The following FNBP4 variants were observed in gnomAD, a reference collection of about 807,000 sequenced individuals.
The protein encoded by FNBP4 is formin-binding protein 4.
In FNBP4, 34 loss-of-function variants were observed where a neutral mutation model predicts 119.3. The observed-to-expected ratio is 0.28, with a 90% CI of 0.22 to 0.38. The LOEUF is 0.38. Among genes scored for constraint, FNBP4 ranks in the 10% least tolerant of loss-of-function variants. The pLI is 1.00. For synonymous variants in FNBP4, 462 were observed against 430.6 expected (o/e 1.07, Z -0.90); for missense variants, 1,112 against 1,228.9 (o/e 0.90, Z 1.42).
intron 9 of FNBP4, among the ~76,000 whole-genome samples, chr11:47,734,473 T>A (rs1055281455): frequency 6.6e-6 from 1 of 152,060 alleles, no homozygotes; most frequent in Non-Finnish European, 1.5e-5. Flanking sequence ...TGCCTTAGTC[T>A]CCCAAAGTGC....
At position 47,717,133 on chromosome 11, in the gene FNBP4, G is replaced by A; in HGVS notation, c.*289C>T. 1 of 272,388 alleles carries A rather than the reference G, an allele frequency of 3.7e-6. No homozygotes were observed. 16.9% of individuals were successfully genotyped at this position (272,388 alleles called of 1,614,324 possible). ...CTCTACAGAAGTGTTATACTCATGAGCCACATGTTCTTCAAGACTGATGAG... is the reference window on the plus strand; with the variant it reads ...CTCTACAGAAGTGTTATACTCATGAACCACATGTTCTTCAAGACTGATGAG... On this transcript the variant is annotated 3_prime_UTR_variant, in exon 17 of 17. Transcript: ENST00000263773.
intron 2 of FNBP4, among the ~76,000 whole-genome samples, chr11:47,756,723 T>C (rs536943844): frequency 1.4e-5 from 2 of 138,396 alleles, no homozygotes; most frequent in East Asian, 5.2e-4. Flanking sequence ...GGCCCCGGTG[T>C]GTGATGTTCC....
intron 1 of FNBP4, among the ~76,000 whole-genome samples, chr11:47,766,237 C>T (rs2135307962): frequency 6.6e-6 from 1 of 152,092 alleles, no homozygotes; most frequent in South Asian, 2.1e-4. Context: ...TCGCTTGAAC[C>T]CGGGAGGTGG....
intron 8 of FNBP4, among the ~76,000 whole-genome samples, chr11:47,743,345 C>T (rs766432692): frequency 2.0e-5 from 3 of 151,776 alleles, no homozygotes; most frequent in Non-Finnish European, 2.9e-5. Context: ...TAGCCAGGCG[C>T]GGTGGCAGGC....
intron 9 of FNBP4, 30 bp downstream of exon 9, chr11:47,736,586 T>A: frequency 6.6e-7 from 1 of 1,519,288 alleles, no homozygotes; most frequent in Non-Finnish European, 8.9e-7. Flanking sequence ...TAATAAAAAT[T>A]TGTCAAGTTG....
chr11:47,746,138 C>A lies in FNBP4; in HGVS notation c.1163G>T (p.Cys388Phe). The A allele has an allele frequency of 6.2e-7, 1 of 1,614,144 alleles. No individual in the cohort carries two copies. The highest frequency in any genetic ancestry group is 1.1e-5 in the South Asian group (1 of 91,080). ...NIEDPSQEDL[C>F]SVVQSGESEE... The stretch of plus-strand genomic sequence containing the variant: ...ACTTTCTCCAGATTGGACAACACTG[C>A]AAAGATCCTCCTGAGAAGGGTCTTC... The change falls in exon 7 of 17, where the codon TGC becomes TTC. Residue 388 changes from cysteine (C) to phenylalanine (F), a missense_variant. Cys to Phe is a radical substitution (Grantham distance 205). Around this residue, in one of 2 missense-constraint regions of FNBP4, gnomAD observed 826 missense variants for 988.8 expected, o/e 0.84. Coordinates refer to ENST00000263773, the MANE Select transcript of FNBP4 (RefSeq NM_015308.5).
At chr11:47,756,690 C>T (rs1043157804) in intron 2 of FNBP4, among the ~76,000 whole-genome samples, 5 of 143,390 alleles carry the variant, frequency 3.5e-5, no homozygotes, top group East Asian at 2.4e-4. Flanking sequence ...TGCTATCCCT[C>T]CCCCACCCCC....
At chr11:47,721,257 TAAATAAATAAATAAATAA>T (rs1341227725) in intron 15 of FNBP4, among the ~76,000 whole-genome samples, 4 of 148,088 alleles carry the variant, frequency 2.7e-5, no homozygotes, top group African/African-American at 5.1e-5. Flanking sequence ...ATCTCAAAAA[TAAATAAATAAATAAATAA>T]AAATAAATAA....
In FNBP4 at chr11:47,724,669, T is replaced by C. The variant is rs531586973; in HGVS notation, c.2118A>G (p.Pro706=). The change falls in exon 13 of 17, where the codon CCA becomes CCG. Residue 706 remains proline, a synonymous_variant. Transcript: ENST00000263773. ...LQSNVPVLQP[P]LPLEMPPPPP... ...GGGGTGGTGGCATTTCCAAGGGTAA[T>C]GGAGGTTGAAGCACAGGAACATTTG... 1.8e-5 allele frequency: 29 copies of C among 1,613,854 alleles called. 1 individual carries two copies. Among genetic ancestry groups the C allele is most frequent in the Middle Eastern group, 3.3e-4 (2 of 6,060 alleles).
At chr11:47,759,459 C>T (rs2097628220) in intron 2 of FNBP4, among the ~76,000 whole-genome samples, 1 of 151,974 alleles carries the variant, frequency 6.6e-6, no homozygotes, top group East Asian at 1.9e-4. Context: ...AGTGATCTGC[C>T]TGCCTTGGCC....
chr11:47,729,427 C>G, intron 12 of FNBP4: 1 of 985,262 alleles, frequency 1.0e-6, no homozygotes, highest in Non-Finnish European at 1.2e-6. Context: ...ACTGAAACAA[C>G]AAATAATGAT....
chr11:47,723,805 C>T (rs1256803061), intron 14 of FNBP4, among the ~76,000 whole-genome samples: 1 of 152,036 alleles, frequency 6.6e-6, no homozygotes, highest in Admixed American at 6.6e-5. Flanking sequence ...TCAAGCAATC[C>T]GCTTGCCTCA....
Position 47,736,698 on chromosome 11 carries a change from T to C in FNBP4, c.1499A>G (p.Asp500Gly). The C allele has an allele frequency of 6.2e-7, 1 of 1,604,804 alleles. No homozygotes were observed. Among genetic ancestry groups the C allele is most frequent in the Non-Finnish European group, 8.5e-7 (1 of 1,173,212 alleles). ...AGATTCTTCTACTTCCATCTCTTTA[T>C]CTGAATTCTCATCTATTTTTTCTGA... ...ENSEKIDENS[D>G]KEMEVEESPE... The change falls in exon 9 of 17, where the codon GAT (aspartate) becomes GGT (glycine). Residue 500 changes from aspartate (D) to glycine (G), a missense_variant. This residue lies in a region of FNBP4 where 826 missense variants were observed against 988.8 expected (regional missense o/e 0.84). Transcript: ENST00000263773.
In FNBP4 at chr11:47,731,323, T is replaced by C. The variant is rs759323569; in HGVS notation, c.2008+51A>G. On this transcript the variant is annotated intron_variant, in intron 12 of 16. Transcript: ENST00000263773. The stretch of plus-strand genomic sequence containing the variant: ...TTTTAATAATGTAAATTAATAAGAT[T>C]TTTCCTCTAAAGTCATTTTGGCTGA... 5 of 1,503,386 alleles carry C rather than the reference T, an allele frequency of 3.3e-6. No homozygotes were observed. The Admixed American group carries it at 1.1e-4, about 34-fold the overall frequency. The allele number at this position is 1,503,386 out of a possible 1,614,324, so 93.1% of individuals were successfully genotyped here.
chr11:47,728,302 T>G (rs1199808200), intron 12 of FNBP4, among the ~76,000 whole-genome samples: 1 of 151,664 alleles, frequency 6.6e-6, no homozygotes, highest in Non-Finnish European at 1.5e-5. Context: ...CAGGCTGGAG[T>G]GCAGAGGTGT....
At chr11:47,763,463 A>C (rs1208335570) in intron 2 of FNBP4, among the ~76,000 whole-genome samples, 1 of 148,798 alleles carries the variant, frequency 6.7e-6, no homozygotes, top group Non-Finnish European at 1.5e-5. Flanking sequence ...TTAAAGCCTG[A>C]GAAAGCATGG....
chr11:47,717,413 A>C lies in FNBP4; in HGVS notation c.*9T>G. 1 of 1,593,362 alleles carries C rather than the reference A, an allele frequency of 6.3e-7. No individual in the cohort carries two copies. The highest frequency in any genetic ancestry group is 8.6e-7 in the Non-Finnish European group (1 of 1,166,798). On this transcript the variant is annotated 3_prime_UTR_variant, in exon 17 of 17. Coordinates refer to ENST00000263773, the MANE Select transcript of FNBP4 (RefSeq NM_015308.5). ...ACAATAATACAAAAAAGTTTTAAAA[A>C]CTTAAAAACTATGTGTTTGGAGCCA...
intron 3 of FNBP4, among the ~76,000 whole-genome samples, chr11:47,754,097 C>T (rs1168497140): frequency 6.6e-6 from 1 of 151,592 alleles, no homozygotes; most frequent in African/African-American, 2.4e-5. Context: ...CCCAGCTACT[C>T]GGGTGCACAT....
At position 47,722,960 on chromosome 11, in the gene FNBP4, G is replaced by C. The variant is rs1458499664; in HGVS notation, c.2805+16C>G. The C allele has an allele frequency of 6.7e-7, 1 of 1,483,424 alleles. No individual in the cohort carries two copies. Among genetic ancestry groups the C allele is most frequent in the Non-Finnish European group, 8.9e-7 (1 of 1,124,582 alleles). The allele number at this position is 1,483,424 out of a possible 1,614,324, so 91.9% of individuals were successfully genotyped here. Reference sequence around the variant, plus strand: ...ATTTTTAAAAATAAATTTTTAAAAAGGGAAATTTATTATACCTTGTCTTTC... The same window carrying C: ...ATTTTTAAAAATAAATTTTTAAAAACGGAAATTTATTATACCTTGTCTTTC... On this transcript the variant is annotated intron_variant, in intron 15 of 16. Transcript: ENST00000263773.
Sources: allele counts gnomAD v4.1 joint callset (sites outside exome capture counted in the v4.1 genomes callset), GRCh38; gene constraint gnomAD v4.1.1; regional missense constraint gnomAD v4.1.1; transcripts MANE v1.5; gene names NCBI Gene and HGNC (gene_info 2026-07-23, HGNC 2026-07-21).